TACC2: variants seen among roughly 807,000 people sequenced by gnomAD.
The protein encoded by TACC2 is transforming acidic coiled-coil-containing protein 2.
A neutral mutation model predicts 227.3 loss-of-function variants in TACC2; 137 were observed. The ratio of observed to expected loss-of-function variants is 0.60; its 90% confidence interval spans 0.52 to 0.69. The LOEUF (loss-of-function observed/expected upper bound fraction) is 0.69, where lower values mean the gene tolerates loss of function less well. Among genes scored for constraint, TACC2 ranks in the 30% least tolerant of loss-of-function variants. The probability of loss-of-function intolerance (pLI) is 0.00; values close to 1 mark genes in which losing one functional copy is unlikely to be tolerated. For synonymous variants in TACC2, 1,523 were observed against 1,487.5 expected (o/e 1.02, Z -0.55); for missense variants, 3,470 against 3,694.4 (o/e 0.94, Z 1.57).
At chr10:122,043,458 T>A (rs201114296) in intron 2 of TACC2, among the ~76,000 whole-genome samples, 1 of 110,844 alleles carries the variant, frequency 9.0e-6, no homozygotes, top group African/African-American at 2.9e-5. Flanking sequence ...TTTCTTTCTT[T>A]CTCTTTCTTT....
At chr10:122,093,795 G>A (rs571781015) in intron 5 of TACC2, among the ~76,000 whole-genome samples, 2 of 152,166 alleles carry the variant, frequency 1.3e-5, no homozygotes, top group Non-Finnish European at 2.9e-5. Context: ...ATAATGCCTG[G>A]TATATGGTAA....
At chr10:122,226,036 G>A (rs1007784691) in intron 12 of TACC2, among the ~76,000 whole-genome samples, 1 of 152,170 alleles carries the variant, frequency 6.6e-6, no homozygotes, top group African/African-American at 2.4e-5. Flanking sequence ...ATCTGCAGTG[G>A]CCAGCACAGC....
chr10:122,022,194 C>T (rs369594626), intron 2 of TACC2, 180 bp downstream of exon 2: 34 of 598,592 alleles, frequency 5.7e-5, no homozygotes, highest in East Asian at 1.1e-4. Flanking sequence ...AATTCTCTTA[C>T]GATTAAGGCT....
At chr10:122,145,432 C>T (rs2091247532) in intron 7 of TACC2, among the ~76,000 whole-genome samples, 1 of 152,122 alleles carries the variant, frequency 6.6e-6, no homozygotes, top group Non-Finnish European at 1.5e-5. Context: ...CTACATTCTA[C>T]ATGATTCAGT....
intron 10 of TACC2, among the ~76,000 whole-genome samples, chr10:122,216,291 G>A (rs560564526): frequency 3.3e-5 from 5 of 152,248 alleles, no homozygotes; most frequent in South Asian, 4.1e-4. Context: ...ATATTGATGT[G>A]CAGGCCTGAA....
At chr10:122,105,624 CT>C (rs10700461) in intron 5 of TACC2, among the ~76,000 whole-genome samples, 73 of 144,454 alleles carry the variant, frequency 5.1e-4, no homozygotes, top group Middle Eastern at 7.2e-3. Flanking sequence ...GTCTTAAACA[CT>C]TTTTTTTTTT....
chr10:122,087,390 C>T lies in TACC2; in HGVS notation c.4890C>T (p.Ser1630=). 1 of 1,614,052 alleles carries T rather than the reference C, an allele frequency of 6.2e-7. No individual in the cohort carries two copies. The highest frequency in any genetic ancestry group is 8.5e-7 in the Non-Finnish European group (1 of 1,180,042). The change falls in exon 4 of 23, where the codon TCC becomes TCT. Residue 1630 remains serine (S), a synonymous_variant. Coordinates refer to ENST00000369005, the MANE Select transcript of TACC2 (RefSeq NM_206862.4). ...HTGVPGHVPR[S]TCAPSPQREV... ...GGGTTCCAGGACATGTGCCAAGGTC[C>T]ACGTGTGCCCCTTCTCCTCAGAGGG...
chr10:122,047,115 C>A (rs1447553482), intron 2 of TACC2, among the ~76,000 whole-genome samples: 2 of 150,544 alleles, frequency 1.3e-5, no homozygotes, highest in Non-Finnish European at 3.0e-5. Context: ...ATGGTGAAAC[C>A]CCGTCTCTAC....
intron 2 of TACC2, among the ~76,000 whole-genome samples, chr10:122,024,654 C>T (rs1314278468): frequency 6.6e-6 from 1 of 152,162 alleles, no homozygotes; most frequent in African/African-American, 2.4e-5. Context: ...AATGGAGTCA[C>T]ACAGTAAGTG....
Position 122,129,865 on chromosome 10 carries a change from C to T in TACC2, c.5574-2744C>T, listed in dbSNP as rs143031638. ...GGGAACATGGAGAATGGAGAATAAG[C>T]AGTAGTGTGGGTGCACACATGTGCT... On this transcript the variant is annotated intron_variant, in intron 5 of 22. Coordinates refer to ENST00000369005, the MANE Select transcript of TACC2 (RefSeq NM_206862.4). Among the ~76,000 whole-genome samples the T allele has an allele frequency of 3.0e-3, 463 of 152,282 alleles. 4 individuals carry two copies. Among genetic ancestry groups the T allele is most frequent in the East Asian group, 0.017 (87 of 5,174 alleles).
Position 122,083,376 on chromosome 10 carries a change from A to G in TACC2, c.876A>G (p.Gln292=). ...GAGCCTCAGACAGAGAAAGAGGCCA[A>G]GGGGAGGCGCCGCCTCAGTATTTAA... ...APRASDRERG[Q]GEAPPQYLTD... Residue 292 remains glutamine, a synonymous_variant, in exon 4 of 23, where the codon CAA becomes CAG. Transcript: ENST00000369005. 6.2e-7 allele frequency: 1 copy of G among 1,613,950 alleles called. No individual in the cohort carries two copies. The highest frequency in any genetic ancestry group is 8.5e-7 in the Non-Finnish European group (1 of 1,179,998).
Position 122,205,443 on chromosome 10 carries a change from G to A in TACC2, c.5972-4954G>A, listed in dbSNP as rs1334195352. ...TGCCTGGTACTTCTGCAGCACTGAT[G>A]CCTCACGCCTCTGGGGTAAAAACCC... On this transcript the variant is annotated intron_variant, in intron 8 of 22. Coordinates refer to ENST00000369005, the MANE Select transcript of TACC2 (RefSeq NM_206862.4). The surrounding 1 kb of genome is among the most constrained non-coding windows in gnomAD (Gnocchi z 4.5). 2.0e-5 allele frequency among the ~76,000 whole-genome samples: 3 copies of A among 152,214 alleles called. No individual in the cohort carries two copies. Among genetic ancestry groups the A allele is most frequent in the Non-Finnish European group, 4.4e-5 (3 of 68,034 alleles).
In TACC2 at chr10:122,153,003, T is replaced by C. The variant is rs72840847; in HGVS notation, c.5834+9297T>C. On this transcript the variant is annotated intron_variant, in intron 7 of 22. Transcript: ENST00000369005. ...TTGATATATATTTCTTTCTTTCTTT[T>C]TTTTTTGAGACGGAGTCTCACTTGC... Among the ~76,000 whole-genome samples the C allele has an allele frequency of 2.3e-3, 44 of 18,986 alleles. 2 individuals are homozygous for C. The highest frequency in any genetic ancestry group is 0.031 in the Middle Eastern group (1 of 32). The allele number at this position is 18,986 out of a possible 152,430, so 12.5% of individuals were successfully genotyped here. A position where few individuals can be genotyped will look rare whatever the true frequency, so the allele number is the denominator to read the frequency against.
At position 122,086,167 on chromosome 10, in the gene TACC2, C is replaced by T. The variant is rs2080077532; in HGVS notation, c.3667C>T (p.Leu1223=). The change falls in exon 4 of 23, where the codon CTG becomes TTG. Residue 1223 remains leucine, a synonymous_variant. Coordinates refer to ENST00000369005, the MANE Select transcript of TACC2 (RefSeq NM_206862.4). ...HQAVPDPKEL[L]LSGPPEVAAP... ...GGCTGTCCCAGACCCAAAGGAGCTC[C>T]TGCTGTCTGGGCCACCAGAAGTGGC... 1 of 1,613,644 alleles carries T rather than the reference C, an allele frequency of 6.2e-7. No individual in the cohort carries two copies. The highest frequency in any genetic ancestry group is 2.2e-5 in the East Asian group (1 of 44,876).
intron 22 of TACC2, among the ~76,000 whole-genome samples, chr10:122,252,120 G>A (rs550665985): frequency 2.6e-5 from 4 of 152,296 alleles, no homozygotes; most frequent in Admixed American, 6.5e-5. Flanking sequence ...GAAAACCTCC[G>A]GGAATCACTT....
intron 7 of TACC2, among the ~76,000 whole-genome samples, chr10:122,164,688 A>G (rs940424524): frequency 1.3e-5 from 2 of 151,926 alleles, no homozygotes; most frequent in Non-Finnish European, 2.9e-5. Context: ...TCCATTACCT[A>G]CCCAGGCATG....
chr10:122,036,050 A>G (rs1412880105), intron 2 of TACC2, among the ~76,000 whole-genome samples: 1 of 152,144 alleles, frequency 6.6e-6, no homozygotes, highest in Non-Finnish European at 1.5e-5. Flanking sequence ...GTATGTGATT[A>G]TTATTTCACT....
At chr10:122,200,614 G>A (rs1424263324) in intron 8 of TACC2, among the ~76,000 whole-genome samples, 1 of 130,266 alleles carries the variant, frequency 7.7e-6, no homozygotes, top group Non-Finnish European at 1.6e-5. Flanking sequence ...CACATCTACA[G>A]TGAGAGGACG....
At position 122,226,358 on chromosome 10, in the gene TACC2, C is replaced by T; in HGVS notation, c.7609-8C>T. ...ACCCAAGCTGATATGTGATTTTGAT[C>T]CCTGCAGCAGGACGACGATGCCCCG... On this transcript the variant is annotated splice_polypyrimidine_tract_variant and splice_region_variant and intron_variant, in intron 12 of 22. Transcript: ENST00000369005. The T allele has an allele frequency of 6.2e-7, 1 of 1,607,016 alleles. No individual in the cohort carries two copies. Among genetic ancestry groups the T allele is most frequent in the Non-Finnish European group, 8.5e-7 (1 of 1,174,064 alleles).
Sources: allele counts gnomAD v4.1 joint callset (sites outside exome capture counted in the v4.1 genomes callset), GRCh38; gene constraint gnomAD v4.1.1; non-coding constraint Gnocchi (gnomAD v3.1); transcripts MANE v1.5; gene names NCBI Gene and HGNC (gene_info 2026-07-23, HGNC 2026-07-21).